PDE11A: variants seen among roughly 807,000 people sequenced by gnomAD.
PDE11A encodes the protein dual 3',5'-cyclic-AMP and -GMP phosphodiesterase 11A.
A neutral mutation model predicts 100.5 loss-of-function variants in PDE11A; 100 were observed. The observed-to-expected ratio is 1.00, with a 90% CI of 0.85 to 1.18. PDE11A has a LOEUF of 1.18. PDE11A is among the 50% of genes most tolerant of loss of function. PDE11A has a pLI of 0.00. For synonymous variants in PDE11A, 381 were observed against 420.8 expected, an observed-to-expected ratio of 0.91 and a Z score of 1.16; for missense variants, 1,141 against 1,152.6, an observed-to-expected ratio of 0.99 and a Z score of 0.15.
intron 2 of PDE11A, among the ~76,000 whole-genome samples, chr2:177,918,449 C>T (rs2084986966): frequency 6.6e-6 from 1 of 152,026 alleles, no homozygotes; most frequent in African/African-American, 2.4e-5. Flanking sequence ...AGCCTAAAGA[C>T]AGCAGAAGGA....
At chr2:178,028,814 C>T (rs997994282) in intron 1 of PDE11A, among the ~76,000 whole-genome samples, 9 of 152,176 alleles carry the variant, frequency 5.9e-5, no homozygotes, top group Admixed American at 2.0e-4. Context: ...ATGCAAATAA[C>T]AGGGCCAGGA....
Position 178,004,748 on chromosome 2 carries a change from A to T in PDE11A, c.1071+9554T>A, listed in dbSNP as rs374071107. ...GGATGTATCAGTCCCTTAAATCAGA[A>T]CGCAGCAAGCTCTCCTTACCCCCCA... On this transcript the variant is annotated intron_variant, in intron 2 of 19. Transcript: ENST00000286063. Among the ~76,000 whole-genome samples, 285 of 152,048 alleles carry T rather than the reference A, an allele frequency of 1.9e-3. 3 individuals carry two copies. In the South Asian group the frequency reaches 0.023, roughly 12 times the overall value.
intron 5 of PDE11A, among the ~76,000 whole-genome samples, chr2:177,872,658 C>A (rs2084158680): frequency 6.6e-6 from 1 of 152,184 alleles, no homozygotes; most frequent in South Asian, 2.1e-4. Flanking sequence ...ACTATTATAA[C>A]TCTGACTGAT....
chr2:177,993,197 C>T (rs549387986), intron 2 of PDE11A, among the ~76,000 whole-genome samples: 30 of 152,276 alleles, frequency 2.0e-4, no homozygotes, highest in African/African-American at 6.3e-4. Context: ...CAAACATCTG[C>T]GTGGTAGAGA....
intron 15 of PDE11A, chr2:177,687,837 G>A (rs2080977112): frequency 6.6e-6 from 1 of 152,168 alleles, no homozygotes; most frequent in African/African-American, 2.4e-5. Flanking sequence ...TATAGGTGAG[G>A]AAACTCAAGG....
chr2:177,850,884 C>A (rs1431052001), intron 5 of PDE11A, among the ~76,000 whole-genome samples: 8 of 152,050 alleles, frequency 5.3e-5, no homozygotes, highest in Non-Finnish European at 1.0e-4. Context: ...AGTCAGGAAA[C>A]AACAGGTGCT....
chr2:177,988,919 C>T (rs543231641), intron 2 of PDE11A, among the ~76,000 whole-genome samples: 14 of 152,170 alleles, frequency 9.2e-5, no homozygotes, highest in Non-Finnish European at 1.8e-4. Flanking sequence ...TTGCTCAAAA[C>T]TCATCAGGGT....
At chr2:178,104,472 T>C in exon 2 of PDE11A, 17 of 1,613,622 alleles carry the variant, frequency 1.1e-5, no homozygotes, top group Non-Finnish European at 1.4e-5. Context: ...ATCTCCCATG[T>C]TGCTCTGCAA....
chr2:177,641,118 CA>C (rs1559122196), intron 19 of PDE11A, among the ~76,000 whole-genome samples: 1 of 152,168 alleles, frequency 6.6e-6, no homozygotes, highest in East Asian at 1.9e-4. Flanking sequence ...CAATCAGAAA[CA>C]GAAACCTGAG....
chr2:177,845,371 G>A (rs1226277030), intron 5 of PDE11A, among the ~76,000 whole-genome samples: 3 of 151,296 alleles, frequency 2.0e-5, no homozygotes, highest in African/African-American at 7.3e-5. Flanking sequence ...GCCGGGCAGA[G>A]GCGCTCCTCA....
chr2:177,660,501 C>T (rs1436198349), intron 19 of PDE11A, among the ~76,000 whole-genome samples: 7 of 152,022 alleles, frequency 4.6e-5, no homozygotes, highest in African/African-American at 1.5e-4. Flanking sequence ...TTCTGTCTGT[C>T]GCTTTCTGTC....
chr2:177,851,391 G>C (rs1366323665), intron 5 of PDE11A, among the ~76,000 whole-genome samples: 2 of 151,934 alleles, frequency 1.3e-5, no homozygotes, highest in South Asian at 4.2e-4. Context: ...GTCGTGGGGT[G>C]GGGGGATCGG....
intron 10 of PDE11A, among the ~76,000 whole-genome samples, chr2:177,766,861 G>C (rs2082246999): frequency 6.6e-6 from 1 of 152,170 alleles, no homozygotes; most frequent in Non-Finnish European, 1.5e-5. Flanking sequence ...AAAATCTGGA[G>C]TAAATCAGTT....
intron 1 of PDE11A, among the ~76,000 whole-genome samples, chr2:178,060,027 T>A (rs749306444): frequency 1.3e-5 from 2 of 152,248 alleles, no homozygotes; most frequent in Non-Finnish European, 2.9e-5. Context: ...TGTGTGCCAC[T>A]TCCTGACAGG....
At chr2:177,651,349 C>A (rs553021075) in intron 19 of PDE11A, among the ~76,000 whole-genome samples, 1 of 152,222 alleles carries the variant, frequency 6.6e-6, no homozygotes, top group Non-Finnish European at 1.5e-5. Context: ...TTTCCACATA[C>A]TTCACCTCCC....
intron 2 of PDE11A, among the ~76,000 whole-genome samples, chr2:178,091,553 T>A (rs2087423609): frequency 6.6e-6 from 1 of 152,178 alleles, no homozygotes; most frequent in African/African-American, 2.4e-5. Flanking sequence ...AGATGTCTTA[T>A]CCTCACCCAT....
At chr2:177,879,139 T>G (rs78726666) in intron 4 of PDE11A, among the ~76,000 whole-genome samples, 90 of 152,328 alleles carry the variant, frequency 5.9e-4, no homozygotes, top group African/African-American at 2.1e-3. Flanking sequence ...AGATGTTAAT[T>G]TCTGCAAATC....
intron 17 of PDE11A, among the ~76,000 whole-genome samples, chr2:177,672,948 G>A (rs6433688): frequency 0.85 from 129,542 of 152,226 alleles, 55,312 homozygotes; most frequent in East Asian, 0.98. Context: ...TATCCTTCTA[G>A]CTGGACAAAA....
intron 5 of PDE11A, among the ~76,000 whole-genome samples, chr2:177,875,549 T>C (rs1398014375): frequency 2.0e-5 from 3 of 151,636 alleles, no homozygotes; most frequent in Non-Finnish European, 4.4e-5. Flanking sequence ...GGCTAATTTT[T>C]TTTTGTATTT....
Sources: allele counts gnomAD v4.1 joint callset (sites outside exome capture counted in the v4.1 genomes callset), GRCh38; gene constraint gnomAD v4.1.1; transcripts MANE v1.5; gene names NCBI Gene and HGNC (gene_info 2026-07-23, HGNC 2026-07-21).